Variants in KMO observed in about 807,000 individuals in gnomAD.
The protein encoded by KMO is kynurenine 3-monooxygenase, also known as kynurenine 3-hydroxylase.
In KMO, 24 loss-of-function variants were observed where a neutral mutation model predicts 57.8. The observed-to-expected ratio is 0.42, with a 90% CI of 0.30 to 0.58. KMO has a LOEUF of 0.58. Among genes scored for constraint, KMO ranks in the 20% least tolerant of loss-of-function variants. KMO has a pLI of 0.22. For synonymous variants in KMO, 210 were observed against 193.6 expected, an observed-to-expected ratio of 1.08 and a Z score of -0.70; for missense variants, 483 against 588.2, an observed-to-expected ratio of 0.82 and a Z score of 1.85.
chr1:241,564,271 A>G (rs1661992764), intron 7 of KMO, among the ~76,000 whole-genome samples: 1 of 152,216 alleles, frequency 6.6e-6, no homozygotes, highest in Admixed American at 6.5e-5. Flanking sequence ...AGTTGATTGC[A>G]TATTTCTATG....
In KMO at chr1:241,592,782, C is replaced by CTATCTATCTATCTA. The variant is rs1553352695; in HGVS notation, c.*631_*644dup. On this transcript the variant is annotated 3_prime_UTR_variant, in exon 15 of 15. Coordinates refer to ENST00000366559, the MANE Select transcript of KMO (RefSeq NM_003679.5). ...TCTATCTATCTATCTATCTATCTAT[C>CTATCTATCTATCTA]TATCTATCTATCTATCTCTATTTAT... 0.046 allele frequency: 6,986 copies of CTATCTATCTATCTA among 152,578 alleles called. 210 individuals carry two copies. Among genetic ancestry groups the CTATCTATCTATCTA allele is most frequent in the South Asian group, 0.08 (386 of 4,820 alleles). The allele number at this position is 152,578 out of a possible 1,614,324, so 9.5% of individuals were successfully genotyped here. A position where few individuals can be genotyped will look rare whatever the true frequency, so the allele number is the denominator to read the frequency against.
intron 10 of KMO, among the ~76,000 whole-genome samples, chr1:241,586,087 C>T (rs1045951881): frequency 1.1e-4 from 16 of 148,686 alleles, no homozygotes; most frequent in African/African-American, 3.2e-4. Flanking sequence ...TGGAATCTAT[C>T]AAAATTAAAA....
In KMO at chr1:241,594,899, T is replaced by C. The variant is rs1034934755; in HGVS notation, c.*2746T>C. 3.6e-6 allele frequency: 2 copies of C among 561,676 alleles called. No homozygotes were observed. The highest frequency in any genetic ancestry group is 6.0e-5 in the East Asian group (2 of 33,370). 34.8% of individuals were successfully genotyped at this position (561,676 alleles called of 1,614,324 possible). On this transcript the variant is annotated 3_prime_UTR_variant, in exon 15 of 15. Coordinates refer to ENST00000366559, the MANE Select transcript of KMO (RefSeq NM_003679.5). The stretch of plus-strand genomic sequence containing the variant: ...TCATTCTAATTCTTATTAACCGGAA[T>C]ATGTAGGACCATTTCAATACCTTGT...
chr1:241,594,818 G>C lies in KMO; in HGVS notation c.*2665G>C. ...GTTTGTTAGCAGGTGTGGATGTGGGGTTATGTGGTCATGCTCAGATCTACC... is the reference window on the plus strand; with the variant it reads ...GTTTGTTAGCAGGTGTGGATGTGGGCTTATGTGGTCATGCTCAGATCTACC... On this transcript the variant is annotated 3_prime_UTR_variant, in exon 15 of 15. Coordinates refer to ENST00000366559, the MANE Select transcript of KMO (RefSeq NM_003679.5). 4 of 1,025,080 alleles carry C rather than the reference G, an allele frequency of 3.9e-6. No homozygotes were observed. In the South Asian group the frequency reaches 6.5e-5, roughly 17 times the overall value. The allele number at this position is 1,025,080 out of a possible 1,614,324, so 63.5% of individuals were successfully genotyped here.
intron 10 of KMO, among the ~76,000 whole-genome samples, chr1:241,582,618 T>G (rs181724786): frequency 1.8e-3 from 271 of 152,356 alleles, no homozygotes; most frequent in South Asian, 0.011. Context: ...TTTTAAAAAT[T>G]ATTTCAATCT....
At position 241,560,659 on chromosome 1, in the gene KMO, C is replaced by T; in HGVS notation, c.362-6C>T. The T allele has an allele frequency of 2.5e-6, 4 of 1,600,290 alleles. No homozygotes were observed. Among genetic ancestry groups the T allele is most frequent in the Non-Finnish European group, 3.4e-6 (4 of 1,167,472 alleles). On this transcript the variant is annotated splice_region_variant and splice_polypyrimidine_tract_variant and intron_variant, in intron 5 of 14. Transcript: ENST00000366559. The stretch of plus-strand genomic sequence containing the variant: ...TTTCTGTTTGCCTCTTTCTCCATTT[C>T]CTCAGCTGCTGAGAAATACCCCAAT...
At chr1:241,537,305 T>C (rs1660786257) in intron 1 of KMO, among the ~76,000 whole-genome samples, 1 of 152,214 alleles carries the variant, frequency 6.6e-6, no homozygotes, top group Admixed American at 6.5e-5. Context: ...GAATTTTCAC[T>C]TTCCCTGAAG....
chr1:241,566,641 A>G, intron 9 of KMO, 29 bp downstream of exon 9: 2 of 1,610,702 alleles, frequency 1.2e-6, no homozygotes, highest in Middle Eastern at 1.7e-4. Flanking sequence ...CTTTTGCTCC[A>G]TTTGTTTTAA....
At chr1:241,550,303 G>A (rs1175619141) in intron 3 of KMO, among the ~76,000 whole-genome samples, 2 of 152,130 alleles carry the variant, frequency 1.3e-5, no homozygotes, top group Admixed American at 1.3e-4. Flanking sequence ...CAGCATATGT[G>A]TACTACACTA....
intron 10 of KMO, among the ~76,000 whole-genome samples, chr1:241,575,397 C>T (rs990592960): frequency 8.6e-5 from 13 of 152,012 alleles, no homozygotes; most frequent in Non-Finnish European, 1.5e-4. Context: ...TTGATGTAGG[C>T]ATTTAATGCT....
At chr1:241,559,873 C>G (rs1368220026) in intron 5 of KMO, among the ~76,000 whole-genome samples, 1 of 152,048 alleles carries the variant, frequency 6.6e-6, no homozygotes, top group Non-Finnish European at 1.5e-5. Flanking sequence ...CTTAGTTACT[C>G]CTTTTTTAAG....
chr1:241,551,614 G>A (rs1186362900), intron 4 of KMO, among the ~76,000 whole-genome samples: 1 of 152,122 alleles, frequency 6.6e-6, no homozygotes, highest in Non-Finnish European at 1.5e-5. Context: ...CACAGAACAG[G>A]GGGAAATATG....
intron 4 of KMO, among the ~76,000 whole-genome samples, chr1:241,551,406 G>A (rs543015115): frequency 6.6e-6 from 1 of 152,272 alleles, no homozygotes; most frequent in Admixed American, 6.5e-5. Flanking sequence ...AATCTAGAAG[G>A]TTTCATGATG....
At chr1:241,570,332 C>CTTA (rs1356193556) in intron 10 of KMO, among the ~76,000 whole-genome samples, 1 of 151,920 alleles carries the variant, frequency 6.6e-6, no homozygotes, top group East Asian at 1.9e-4. Flanking sequence ...TTTTTGAGGT[C>CTTA]TTACTTAGAA....
chr1:241,582,025 T>G (rs1016716637), intron 10 of KMO, among the ~76,000 whole-genome samples: 2 of 152,206 alleles, frequency 1.3e-5, no homozygotes, highest in African/African-American at 4.8e-5. Flanking sequence ...TGTAGAATAA[T>G]TTTGCTGCAT....
chr1:241,558,973 C>A (rs548019008), intron 5 of KMO, among the ~76,000 whole-genome samples: 1 of 151,692 alleles, frequency 6.6e-6, no homozygotes, highest in East Asian at 1.9e-4. Context: ...ATTAGCTGGG[C>A]GTGTTGGTGG....
chr1:241,586,191 CTTTTT>C (rs386370217), intron 10 of KMO, among the ~76,000 whole-genome samples: 3 of 80,056 alleles, frequency 3.7e-5, no homozygotes, highest in African/African-American at 1.0e-4. Flanking sequence ...AGTCTATGGT[CTTTTT>C]TTTTTTTTTT....
intron 10 of KMO, among the ~76,000 whole-genome samples, chr1:241,585,406 T>C (rs1283628842): frequency 1.1e-4 from 17 of 152,096 alleles, no homozygotes; most frequent in Admixed American, 1.1e-3. Flanking sequence ...ATTTGACAAA[T>C]AAATCTGCTT....
At chr1:241,586,448 C>A in intron 10 of KMO, 1 of 441,648 alleles carries the variant, frequency 2.3e-6, no homozygotes, top group Non-Finnish European at 4.1e-6. Context: ...GATCCGCTCA[C>A]CTCGGCCTCC....
Sources: allele counts gnomAD v4.1 joint callset (sites outside exome capture counted in the v4.1 genomes callset), GRCh38; gene constraint gnomAD v4.1.1; transcripts MANE v1.5; gene names NCBI Gene and HGNC (gene_info 2026-07-23, HGNC 2026-07-21).